Variants in EGFL6 observed in about 807,000 individuals in gnomAD.
EGFL6 encodes the protein epidermal growth factor-like protein 6.
A neutral mutation model predicts 43.1 loss-of-function variants in EGFL6; 42 were observed. The ratio of observed to expected loss-of-function variants is 0.98; its 90% CI spans 0.76 to 1.26. The LOEUF is 1.26. Among genes scored for constraint, EGFL6 ranks in the 50% most tolerant of loss-of-function variants. The pLI is 0.00. For missense variants in EGFL6, 429 were observed against 427.8 expected (o/e 1.00, Z -0.02); for synonymous variants, 164 against 163.2 (o/e 1.01, Z -0.04).
chrX:13,612,479 C>T (rs1289162812), intron 7 of EGFL6, among the ~76,000 whole-genome samples: 1 of 110,463 alleles, frequency 9.1e-6, no homozygotes, highest in Non-Finnish European at 1.9e-5. Flanking sequence ...TCTGATCTCT[C>T]TTTCTTTTCC....
chrX:13,584,642 C>G (rs2045524949), intron 1 of EGFL6, among the ~76,000 whole-genome samples: 1 of 111,894 alleles, frequency 8.9e-6, no homozygotes, highest in African/African-American at 3.3e-5. Context: ...ACCCATATTC[C>G]TCATTCCAGA....
chrX:13,577,734 C>G (rs933256192), intron 1 of EGFL6, among the ~76,000 whole-genome samples: 2 of 112,044 alleles, frequency 1.8e-5, no homozygotes, highest in Non-Finnish European at 1.9e-5. Flanking sequence ...GCCCAAGATA[C>G]AGAAAGTGGA....
intron 3 of EGFL6, among the ~76,000 whole-genome samples, chrX:13,597,116 A>G (rs930353807): frequency 4.5e-5 from 5 of 112,265 alleles, no homozygotes; most frequent in Non-Finnish European, 9.4e-5. Context: ...AGTGCACAGG[A>G]CAGTCCCCAC....
At chrX:13,624,505 T>C (rs1192219292) in intron 10 of EGFL6, among the ~76,000 whole-genome samples, 1 of 111,196 alleles carries the variant, frequency 9.0e-6, no homozygotes, top group African/African-American at 3.3e-5. Flanking sequence ...CTCAATCTTA[T>C]CTGTGAGCTG....
In EGFL6 at chrX:13,618,043, A is replaced by T; in HGVS notation, c.1092A>T (p.Gly364=). 1 of 1,184,853 alleles carries T rather than the reference A, an allele frequency of 8.4e-7. No individual in the cohort carries two copies. Among genetic ancestry groups the T allele is most frequent in the Non-Finnish European group, 1.1e-6 (1 of 882,450 alleles). Residue 364 remains glycine, a synonymous_variant, in exon 8 of 12, where the codon GGA becomes GGT. Coordinates refer to ENST00000361306, the MANE Select transcript of EGFL6 (RefSeq NM_015507.4). ...KNDIEERSLR[G]DVFFPKVNEA... ...ACATAGAGGAGCGAAGCCTGCGAGG[A>T]GATGTGTTTTGTGAGTGTTATTTTT...
At chrX:13,590,365 C>A (rs930484447) in intron 2 of EGFL6, 2 of 111,749 alleles carry the variant, frequency 1.8e-5, no homozygotes, top group Non-Finnish European at 3.8e-5. Flanking sequence ...CCATAACGAC[C>A]AACACTGGCA....
Position 13,569,948 on chromosome X carries a change from CTG to C in EGFL6, c.74+14_74+15del. 3.3e-6 allele frequency: 4 copies of C among 1,208,590 alleles called. No homozygotes were observed. The highest frequency in any genetic ancestry group is 4.5e-6 in the Non-Finnish European group (4 of 892,682). On this transcript the variant is annotated intron_variant, in intron 1 of 11. Transcript: ENST00000361306. The stretch of plus-strand genomic sequence containing the variant: ...GGAACGCGGCCAGGTGAGTGTCTGA[CTG>C]GCGATTGGCTTCCCCCCACCCCCGG...
At chrX:13,601,623 G>C (rs2146694996) in intron 4 of EGFL6, among the ~76,000 whole-genome samples, 1 of 112,078 alleles carries the variant, frequency 8.9e-6, no homozygotes, top group African/African-American at 3.2e-5. Context: ...CCTTGGCAAA[G>C]TGTCCCAACA....
intron 11 of EGFL6, among the ~76,000 whole-genome samples, chrX:13,628,588 C>G (rs756161548): frequency 1.6e-4 from 18 of 111,089 alleles, no homozygotes; most frequent in African/African-American, 4.9e-4. Context: ...CCGAGACAGG[C>G]AGATCACCTG....
chrX:13,632,385 T>G (rs768777419), intron 11 of EGFL6, among the ~76,000 whole-genome samples: 1 of 98,275 alleles, frequency 1.0e-5, no homozygotes, highest in East Asian at 3.5e-4. Flanking sequence ...CACTGCAAGC[T>G]CCGCCTCCCG....
chrX:13,589,532 T>A, intron 1 of EGFL6, 24 bp from the exon 2 acceptor site: 1 of 1,160,554 alleles, frequency 8.6e-7, no homozygotes, highest in Non-Finnish European at 1.2e-6. Flanking sequence ...TTCTCAATAC[T>A]AACATGTAGT....
chrX:13,623,172 G>GAC (rs1156429871), intron 9 of EGFL6, among the ~76,000 whole-genome samples: 3 of 109,369 alleles, frequency 2.7e-5, no homozygotes, highest in Non-Finnish European at 3.8e-5. Flanking sequence ...CTGAGTGACA[G>GAC]AGCAAGAACC....
rs763791059 is a variant in EGFL6, at chrX:13,589,888, A to T, written c.187+220A>T. 3.5e-5 allele frequency among the ~76,000 whole-genome samples: 4 copies of T among 112,732 alleles called. No homozygotes were observed. The East Asian group carries it at 1.1e-3, about 31-fold the overall frequency. On this transcript the variant is annotated intron_variant, in intron 2 of 11. Coordinates refer to ENST00000361306, the MANE Select transcript of EGFL6 (RefSeq NM_015507.4). The stretch of plus-strand genomic sequence containing the variant: ...ATTTATTTTAGAAGACTGTCTTGTC[A>T]ATTATTTTTGTGATTATCTTAATGA...
chrX:13,631,535 A>C, intron 11 of EGFL6, among the ~76,000 whole-genome samples: 1 of 111,551 alleles, frequency 9.0e-6, no homozygotes, highest in South Asian at 3.7e-4. Flanking sequence ...TAATTCCAGC[A>C]CTTTGGGAGG....
At chrX:13,578,189 A>G (rs144023176) in intron 1 of EGFL6, among the ~76,000 whole-genome samples, 27 of 111,211 alleles carry the variant, frequency 2.4e-4, no homozygotes, top group African/African-American at 8.2e-4. Context: ...ATCTATTGCT[A>G]TGCAACAGAA....
At chrX:13,600,753 A>AAAAAAAAAT (rs1555955941) in intron 4 of EGFL6, among the ~76,000 whole-genome samples, 1 of 105,896 alleles carries the variant, frequency 9.4e-6, no homozygotes, top group Non-Finnish European at 1.9e-5. Context: ...AAAAAAAAAA[A>AAAAAAAAAT]TACAAAAATT....
chrX:13,609,923 G>A (rs1380750222), intron 7 of EGFL6, among the ~76,000 whole-genome samples: 1 of 111,220 alleles, frequency 9.0e-6, no homozygotes, highest in East Asian at 2.8e-4. Flanking sequence ...TGGCTGCAAG[G>A]TGTACCCTAA....
chrX:13,603,295 T>C, intron 4 of EGFL6, 22 bp from the exon 5 acceptor site: 1 of 1,187,598 alleles, frequency 8.4e-7, no homozygotes, highest in Non-Finnish European at 1.1e-6. Flanking sequence ...AGAGAAAGGC[T>C]AATCCTTGTC....
At chrX:13,577,738 A>C (rs1467964083) in intron 1 of EGFL6, among the ~76,000 whole-genome samples, 1 of 112,190 alleles carries the variant, frequency 8.9e-6, no homozygotes, top group Non-Finnish European at 1.9e-5. Context: ...AAGATACAGA[A>C]AGTGGACTGG....
Sources: allele counts gnomAD v4.1 joint callset (sites outside exome capture counted in the v4.1 genomes callset), GRCh38; gene constraint gnomAD v4.1.1; transcripts MANE v1.5; gene names NCBI Gene and HGNC (gene_info 2026-07-23, HGNC 2026-07-21).